SIPA1L3: variants seen among roughly 807,000 people sequenced by gnomAD.
SIPA1L3 encodes signal-induced proliferation-associated 1-like protein 3.
Under a neutral mutation model 150.1 loss-of-function variants are expected in SIPA1L3, and 59 were observed. The ratio of observed to expected loss-of-function variants is 0.39; its 90% CI spans 0.32 to 0.49. The LOEUF (loss-of-function observed/expected upper bound fraction) is 0.49, where lower values mean the gene tolerates loss of function less well. Among genes scored for constraint, SIPA1L3 ranks in the 20% least tolerant of loss-of-function variants. SIPA1L3 has a pLI of 0.86. For synonymous variants in SIPA1L3, 1,070 were observed against 1,077.6 expected, an observed-to-expected ratio of 0.99 and a Z score of 0.14; for missense variants, 2,211 against 2,489.5, an observed-to-expected ratio of 0.89 and a Z score of 2.38.
At chr19:38,000,159 A>G (rs2145655040) in intron 1 of SIPA1L3, among the ~76,000 whole-genome samples, 1 of 152,204 alleles carries the variant, frequency 6.6e-6, no homozygotes, top group South Asian at 2.1e-4. Context: ...ATGGGCATGC[A>G]CAGTTAGGAT....
chr19:38,194,307 C>T (rs1376708931), intron 18 of SIPA1L3, among the ~76,000 whole-genome samples: 4 of 152,124 alleles, frequency 2.6e-5, no homozygotes, highest in Non-Finnish European at 2.9e-5. Flanking sequence ...TCAAAAGCCA[C>T]GAGCCAGCTG....
chr19:38,026,352 G>T (rs1382387428), intron 1 of SIPA1L3, among the ~76,000 whole-genome samples: 1 of 152,126 alleles, frequency 6.6e-6, no homozygotes, highest in Non-Finnish European at 1.5e-5. Flanking sequence ...GTGTTTACTG[G>T]CTCTGATCAT....
Position 37,973,556 on chromosome 19 carries a change from C to CCG in SIPA1L3, c.-378-55533_-378-55532insCG, listed in dbSNP as rs1555772338. ...GGCCAAAAAAAAAAAAAAAAAAAAG[C>CCG]GGGAGGGGGGCGCATCTTGAAGCAC... On this transcript the variant is annotated intron_variant, in intron 1 of 21. Coordinates refer to ENST00000222345, the MANE Select transcript of SIPA1L3 (RefSeq NM_015073.3). Among the ~76,000 whole-genome samples the CCG allele has an allele frequency of 1.2e-4, 5 of 40,950 alleles. 1 individual carries two copies. The East Asian group carries it at 1.9e-3, about 15-fold the overall frequency. 26.9% of individuals were successfully genotyped at this position (40,950 alleles called of 152,430 possible).
At position 38,164,703 on chromosome 19, in the gene SIPA1L3, C is replaced by A; in HGVS notation, c.4005C>A (p.His1335Gln). ...AGGCTCCACGGCCCGCCAAGCCACA[C>A]AAGCCCCCTGGAAGTATGGGCCTTT... is the stretch of plus-strand genomic sequence containing the variant. ...LAKAPRPAKP[H>Q]KPPGSMGLCG... is the part of the protein sequence containing the mutation. Residue 1335 changes from histidine (H) to glutamine (Q), a missense_variant, in exon 15 of 22, where the codon CAC becomes CAA. Physicochemically the swap from His to Gln is conservative, Grantham distance 24. Transcript: ENST00000222345. The surrounding 1 kb of genome is among the most constrained non-coding windows in gnomAD (Gnocchi z 4.1). 6.2e-7 allele frequency: 1 copy of A among 1,614,130 alleles called. No individual in the cohort carries two copies.
intron 1 of SIPA1L3, among the ~76,000 whole-genome samples, chr19:38,025,626 G>C (rs369166066): frequency 7.2e-5 from 11 of 152,360 alleles, no homozygotes; most frequent in African/African-American, 2.2e-4. Context: ...TTTAGAGAAA[G>C]AAAGGAGAAA....
chr19:38,085,776 C>T (rs1329552284), intron 3 of SIPA1L3, among the ~76,000 whole-genome samples: 4 of 152,196 alleles, frequency 2.6e-5, no homozygotes, highest in African/African-American at 7.2e-5. Context: ...GGGCAGATCA[C>T]GTGGGGTCAG....
chr19:38,057,813 A>AT (rs952530174), intron 2 of SIPA1L3, among the ~76,000 whole-genome samples: 5 of 148,168 alleles, frequency 3.4e-5, no homozygotes, highest in African/African-American at 1.2e-4. Context: ...CACCTGGCTA[A>AT]TTTTTTTTTA....
rs748167678 is a variant in SIPA1L3 at position 38,081,757 on chromosome 19, C to A, written c.192C>A (p.Thr64=). 43 of 1,604,188 alleles carry A rather than the reference C, an allele frequency of 2.7e-5. No individual in the cohort carries two copies. Among genetic ancestry groups the A allele is most frequent in the Non-Finnish European group, 3.6e-5 (42 of 1,176,792 alleles). The change falls in exon 3 of 22, where the codon ACC becomes ACA. Residue 64 remains threonine (T), a synonymous_variant. Transcript: ENST00000222345. ...CCGCCACCGCCACCGCCACCGCCAC[C>A]ACCCGCCCCAGCCCCACCACTCCCG... ...PATATATATA[T]TRPSPTTPAM...
intron 2 of SIPA1L3, among the ~76,000 whole-genome samples, chr19:38,065,919 T>TATTTATTTATCTATC (rs1568529470): frequency 1.9e-5 from 2 of 104,162 alleles, no homozygotes; most frequent in Non-Finnish European, 2.0e-5. Flanking sequence ...ATTTATCTAT[T>TATTTATTTATCTATC]TATTTATTTA....
chr19:37,913,041 G>C (rs1280386492), intron 1 of SIPA1L3, among the ~76,000 whole-genome samples: 1 of 152,188 alleles, frequency 6.6e-6, no homozygotes, highest in Non-Finnish European at 1.5e-5. Flanking sequence ...GCCATGGTTG[G>C]AAGGTGGCTT....
chr19:38,038,453 G>A (rs1968838981), intron 2 of SIPA1L3, among the ~76,000 whole-genome samples: 1 of 152,090 alleles, frequency 6.6e-6, no homozygotes, highest in African/African-American at 2.4e-5. Flanking sequence ...AGCCAGGCAT[G>A]GTGGTGGGCG....
chr19:37,941,656 C>T (rs918832044), intron 1 of SIPA1L3, among the ~76,000 whole-genome samples: 1 of 152,214 alleles, frequency 6.6e-6, no homozygotes, highest in Non-Finnish European at 1.5e-5. Context: ...GGGTGTTTGT[C>T]GAAGTAATGA....
In SIPA1L3 at chr19:38,119,715, G is replaced by C. The variant is rs1274498725; in HGVS notation, c.2701G>C (p.Asp901His). The change falls in exon 9 of 22, where the codon GAC (aspartate) becomes CAC (histidine). Residue 901 changes from aspartate to histidine, a missense_variant. This residue lies in a region of SIPA1L3 where 625 missense variants were observed against 804.2 expected (regional missense o/e 0.78). Transcript: ENST00000222345. ...GISNEFVVLLDLRTKEVVFNC... is the reference protein window; with the variant it reads ...GISNEFVVLLHLRTKEVVFNC... ...TTCCAATGAGTTTGTGGTGCTCCTG[G>C]ACTTACGCACCAAGGAGGTGGTGTT... 6.2e-7 allele frequency: 1 copy of C among 1,614,054 alleles called. No individual in the cohort carries two copies.
intron 2 of SIPA1L3, among the ~76,000 whole-genome samples, chr19:38,070,582 T>G (rs1969694548): frequency 6.6e-6 from 1 of 152,222 alleles, no homozygotes; most frequent in Non-Finnish European, 1.5e-5. Flanking sequence ...AATGAATGAA[T>G]GAGTTATACA....
intron 2 of SIPA1L3, among the ~76,000 whole-genome samples, chr19:38,061,881 G>A (rs575445494): frequency 7.7e-5 from 11 of 142,306 alleles, no homozygotes; most frequent in East Asian, 4.1e-4. Flanking sequence ...TTTGAGTTTT[G>A]TTTTTTTTTT....
chr19:38,142,808 T>C, intron 12 of SIPA1L3, 98 bp downstream of exon 12: 1 of 1,435,970 alleles, frequency 7.0e-7, no homozygotes, highest in Non-Finnish European at 9.5e-7. Flanking sequence ...CTAGTTGCCA[T>C]TTTATGGTGT....
rs550674773 is a variant in SIPA1L3, at chr19:38,068,693, T to A, written c.-310-12563T>A. On this transcript the variant is annotated intron_variant, in intron 2 of 21. Transcript: ENST00000222345. The stretch of plus-strand genomic sequence containing the variant: ...GAGACCTCATCTCTACAAAAAAAAA[T>A]TTTTAAGTAAAAAATTAGCCGGTTG... 1.8e-3 allele frequency among the ~76,000 whole-genome samples: 268 copies of A among 151,866 alleles called. 1 individual carries two copies. The highest frequency in any genetic ancestry group is 5.9e-3 in the African/African-American group (245 of 41,346).
chr19:38,025,823 C>A (rs1599921774), intron 1 of SIPA1L3, among the ~76,000 whole-genome samples: 1 of 152,190 alleles, frequency 6.6e-6, no homozygotes, highest in Non-Finnish European at 1.5e-5. Context: ...TTGAAAACCA[C>A]CATTGTGAGG....
At chr19:37,978,958 A>G (rs1030751060) in intron 1 of SIPA1L3, among the ~76,000 whole-genome samples, 5 of 152,296 alleles carry the variant, frequency 3.3e-5, no homozygotes, top group Non-Finnish European at 7.4e-5. Context: ...CCTGGGTGAC[A>G]GAGACCCCGT....
Sources: gnomAD v4.1 joint callset for allele counts (sites outside exome capture counted in the v4.1 genomes callset) on GRCh38, gnomAD v4.1.1 for gene constraint, gnomAD v4.1.1 regional missense constraint, Gnocchi (gnomAD v3.1) non-coding constraint, MANE v1.5 for transcripts, NCBI Gene and HGNC (gene_info 2026-07-23, HGNC 2026-07-21) for gene names.